ERBB4: variants seen among roughly 807,000 people sequenced by gnomAD.
The protein encoded by ERBB4 is receptor tyrosine-protein kinase erbB-4.
Under a neutral mutation model 158.0 loss-of-function variants are expected in ERBB4, and 42 were observed. The ratio of observed to expected loss-of-function variants is 0.27; its 90% CI spans 0.21 to 0.34. The LOEUF is 0.34. ERBB4 is among the 10% of genes least tolerant of loss of function. The pLI is 1.00. For synonymous variants in ERBB4, 583 were observed against 558.7 expected (o/e 1.04, Z -0.61); for missense variants, 1,333 against 1,624.1 (o/e 0.82, Z 3.08).
intron 3 of ERBB4, among the ~76,000 whole-genome samples, chr2:211,813,766 A>G (rs911651796): frequency 2.6e-5 from 4 of 152,162 alleles, no homozygotes; most frequent in Admixed American, 2.6e-4. Flanking sequence ...CTACTTGAGT[A>G]CTTAATTTTT....
intron 3 of ERBB4, among the ~76,000 whole-genome samples, chr2:211,833,760 T>C (rs1488327586): frequency 6.6e-6 from 1 of 151,982 alleles, no homozygotes; most frequent in Non-Finnish European, 1.5e-5. Context: ...GGCTCAGGTT[T>C]CCACTGAGTC....
rs1553630487 is a variant in ERBB4, at chr2:211,773,631, T to TATATATATATA, written c.556+14383_556+14393dup. On this transcript the variant is annotated intron_variant, in intron 4 of 27. Transcript: ENST00000342788. The stretch of plus-strand genomic sequence containing the variant: ...ATATATATATATATATATATATATA[T>TATATATATATA]ATATATATATATATATAATATATAT... Among the ~76,000 whole-genome samples, 69 of 91,228 alleles carry TATATATATATA rather than the reference T, an allele frequency of 7.6e-4. 2 individuals are homozygous for TATATATATATA. Among genetic ancestry groups the TATATATATATA allele is most frequent in the Non-Finnish European group, 1.0e-3 (52 of 51,296 alleles). The allele number at this position is 91,228 out of a possible 152,430, so 59.8% of individuals were successfully genotyped here. A position where few individuals can be genotyped will look rare whatever the true frequency, so the allele number is the denominator to read the frequency against.
In ERBB4 at chr2:212,181,696, T is replaced by C. The variant is rs991907754; in HGVS notation, c.83-56793A>G. Among the ~76,000 whole-genome samples the C allele has an allele frequency of 4.0e-5, 6 of 151,812 alleles. 1 individual carries two copies. Among genetic ancestry groups the C allele is most frequent in the Admixed American group, 3.9e-4 (6 of 15,192 alleles). ...ATTAATAAAAATCAAAACTAATATG[T>C]GCTACAATTATTTAATGATTTAATA... On this transcript the variant is annotated intron_variant, in intron 1 of 27. Coordinates refer to ENST00000342788, the MANE Select transcript of ERBB4 (RefSeq NM_005235.3).
At chr2:212,339,789 G>C (rs1046364875) in intron 1 of ERBB4, among the ~76,000 whole-genome samples, 5 of 151,824 alleles carry the variant, frequency 3.3e-5, no homozygotes, top group African/African-American at 9.7e-5. Context: ...TTAAAAATAT[G>C]CTTTTTTAAA....
chr2:212,085,638 T>C (rs1033117783), intron 2 of ERBB4, among the ~76,000 whole-genome samples: 4 of 151,908 alleles, frequency 2.6e-5, no homozygotes, highest in African/African-American at 9.7e-5. Flanking sequence ...TATGAATAGA[T>C]TAAAAATAAA....
At chr2:211,936,198 A>C (rs1228119767) in intron 3 of ERBB4, among the ~76,000 whole-genome samples, 1 of 152,038 alleles carries the variant, frequency 6.6e-6, no homozygotes, top group Non-Finnish European at 1.5e-5. Context: ...ATTTACCAGA[A>C]TATTTGCCAG....
chr2:211,806,061 A>G (rs1366934592), intron 3 of ERBB4, among the ~76,000 whole-genome samples: 1 of 152,138 alleles, frequency 6.6e-6, no homozygotes, highest in East Asian at 1.9e-4. Flanking sequence ...CAATAAATTG[A>G]GGCAAATAAT....
chr2:211,509,214 T>A (rs1409150167), intron 20 of ERBB4, among the ~76,000 whole-genome samples: 1 of 151,772 alleles, frequency 6.6e-6, no homozygotes, highest in Non-Finnish European at 1.5e-5. Context: ...AGGGAGAGGA[T>A]TAGGACAAAT....
intron 12 of ERBB4, among the ~76,000 whole-genome samples, chr2:211,685,883 T>C (rs898332271): frequency 3.9e-5 from 6 of 152,192 alleles, no homozygotes; most frequent in African/African-American, 1.4e-4. Context: ...TAAGTAATTA[T>C]AAATAGTATT....
intron 1 of ERBB4, among the ~76,000 whole-genome samples, chr2:212,178,688 T>C (rs1360533104): frequency 1.3e-5 from 2 of 151,702 alleles, no homozygotes; most frequent in African/African-American, 4.8e-5. Flanking sequence ...ACCACTAAAC[T>C]TTAAACTTTC....
chr2:211,434,011 A>G (rs2063798155), intron 20 of ERBB4, among the ~76,000 whole-genome samples: 1 of 152,238 alleles, frequency 6.6e-6, no homozygotes, highest in African/African-American at 2.4e-5. Context: ...GGATAATATC[A>G]AGGAATATTT....
At chr2:211,952,170 A>G (rs2080891522) in intron 2 of ERBB4, among the ~76,000 whole-genome samples, 2 of 152,082 alleles carry the variant, frequency 1.3e-5, no homozygotes, top group African/African-American at 4.8e-5. Context: ...TGGTCTCTGT[A>G]TTCTGGTATT....
intron 3 of ERBB4, among the ~76,000 whole-genome samples, chr2:211,929,267 CAGAG>C (rs140448083): frequency 0.038 from 5,402 of 141,138 alleles, 132 homozygotes; most frequent in Admixed American, 0.071. Context: ...GTGTGTGTGA[CAGAG>C]AGAGAGAGAG....
chr2:212,363,532 G>A (rs1045373994), intron 1 of ERBB4, among the ~76,000 whole-genome samples: 7 of 151,018 alleles, frequency 4.6e-5, no homozygotes, highest in South Asian at 4.2e-4. Context: ...TGAACTTCAC[G>A]TCCAACTTAG....
At chr2:212,226,866 C>T (rs2083488830) in intron 1 of ERBB4, among the ~76,000 whole-genome samples, 1 of 151,986 alleles carries the variant, frequency 6.6e-6, no homozygotes, top group Non-Finnish European at 1.5e-5. Flanking sequence ...TCAGGAATAT[C>T]ATATACCTCC....
intron 3 of ERBB4, among the ~76,000 whole-genome samples, chr2:211,840,998 A>C (rs1041962533): frequency 1.3e-5 from 2 of 152,102 alleles, no homozygotes; most frequent in Non-Finnish European, 2.9e-5. Context: ...GGCATATACC[A>C]ATATGTGCTT....
chr2:212,187,968 T>C (rs909116029), intron 1 of ERBB4, among the ~76,000 whole-genome samples: 2 of 152,126 alleles, frequency 1.3e-5, no homozygotes, highest in African/African-American at 4.8e-5. Flanking sequence ...ACATCTAACT[T>C]CAATCCTATA....
chr2:211,916,326 C>A (rs1354938246), intron 3 of ERBB4, among the ~76,000 whole-genome samples: 3 of 151,938 alleles, frequency 2.0e-5, no homozygotes. Flanking sequence ...ATTACAGGCA[C>A]CTGCCACCAC....
chr2:211,399,131 T>C (rs987965875), intron 25 of ERBB4, among the ~76,000 whole-genome samples: 2 of 152,218 alleles, frequency 1.3e-5, no homozygotes, highest in South Asian at 2.1e-4. Flanking sequence ...AGCTTCATTA[T>C]ATTTAATTAT....
Sources: gnomAD v4.1 joint callset for allele counts (sites outside exome capture counted in the v4.1 genomes callset) on GRCh38, gnomAD v4.1.1 for gene constraint, MANE v1.5 for transcripts, NCBI Gene and HGNC (gene_info 2026-07-23, HGNC 2026-07-21) for gene names.